Variants in TACC1 observed in about 807,000 individuals in gnomAD.
TACC1 encodes the protein transforming acidic coiled-coil containing protein 1.
In TACC1, 48 loss-of-function variants were observed where a neutral mutation model predicts 84.4. The ratio of observed to expected loss-of-function variants is 0.57; its 90% CI spans 0.45 to 0.72. TACC1 has a LOEUF of 0.72. Among genes scored for constraint, TACC1 ranks in the 30% least tolerant of loss-of-function variants. TACC1 has a pLI of 0.00. For synonymous variants in TACC1, 372 were observed against 376.3 expected, an observed-to-expected ratio of 0.99 and a Z score of 0.13; for missense variants, 920 against 973.0, an observed-to-expected ratio of 0.95 and a Z score of 0.72.
intron 2 of TACC1, chr8:38,742,589 G>C (rs1401215036): frequency 3.2e-5 from 21 of 656,440 alleles, no homozygotes; most frequent in Non-Finnish European, 5.2e-5. Context: ...ATCGAGGAAA[G>C]AACAAAGAAC....
upstream of TACC1, among the ~76,000 whole-genome samples, chr8:38,786,220 GGAA>G (rs1383743579): frequency 6.6e-6 from 1 of 152,148 alleles, no homozygotes; most frequent in African/African-American, 2.4e-5. Context: ...CGATTCACTT[GGAA>G]GAAGGTGCTT....
intron 3 of TACC1, chr8:38,823,991 A>G (rs1827467867): frequency 7.4e-7 from 1 of 1,352,014 alleles, no homozygotes; most frequent in Non-Finnish European, 9.8e-7. Context: ...GTGCATCAGG[A>G]CTACTGAACA....
chr8:38,809,850 T>C (rs1458191566), intron 2 of TACC1, among the ~76,000 whole-genome samples: 1 of 152,160 alleles, frequency 6.6e-6, no homozygotes, highest in African/African-American at 2.4e-5. Context: ...CTTTAACCCT[T>C]AGGTTTTCTG....
At chr8:38,741,274 G>A (rs1807017589) in intron 1 of TACC1, among the ~76,000 whole-genome samples, 1 of 151,552 alleles carries the variant, frequency 6.6e-6, no homozygotes, top group South Asian at 2.1e-4. Context: ...TCCTGCCTCA[G>A]CCTCCCAAGT....
Position 38,820,482 on chromosome 8 carries a change from G to T in TACC1, c.1238G>T (p.Gly413Val), listed in dbSNP as rs139511063. 1 of 1,614,182 alleles carries T rather than the reference G, an allele frequency of 6.2e-7. No homozygotes were observed. Among genetic ancestry groups the T allele is most frequent in the Non-Finnish European group, 8.5e-7 (1 of 1,180,034 alleles). ...AACTCCCCACCCCTCTCTTCTGAGG[G>T]CTCCTACCACTTTGACCCAGATAAC... Reference protein sequence around the residue: ...LQNSPPLSSEGSYHFDPDNFD... With the variant: ...LQNSPPLSSEVSYHFDPDNFD... Residue 413 changes from glycine to valine, a missense_variant, in exon 3 of 13, where the codon GGC (glycine) becomes GTC (valine). Physicochemically the swap from Gly to Val is moderately radical, Grantham distance 109 (BLOSUM62 -3). This residue lies in a region of TACC1 where 762 missense variants were observed against 747.3 expected (regional missense o/e 1.02). Coordinates refer to ENST00000317827, the MANE Select transcript of TACC1 (RefSeq NM_006283.3).
At chr8:38,798,895 C>T (rs1033846085) in intron 2 of TACC1, among the ~76,000 whole-genome samples, 1 of 152,086 alleles carries the variant, frequency 6.6e-6, no homozygotes, top group East Asian at 1.9e-4. Context: ...TGTACTTCTC[C>T]ATTTTAAGGC....
rs1365969663 is a variant in TACC1 at position 38,825,331 on chromosome 8, A to G, written c.1415A>G (p.His472Arg). The G allele has an allele frequency of 1.2e-6, 2 of 1,614,076 alleles. No individual in the cohort carries two copies. Among genetic ancestry groups the G allele is most frequent in the Non-Finnish European group, 1.7e-6 (2 of 1,179,988 alleles). Residue 472 changes from histidine to arginine, a missense_variant, in exon 4 of 13, where the codon CAT becomes CGT. This residue lies in a region of TACC1 where 762 missense variants were observed against 747.3 expected (regional missense o/e 1.02). Coordinates refer to ENST00000317827, the MANE Select transcript of TACC1 (RefSeq NM_006283.3). ...LITSGCKVKK[H>R]ETQSLALDAC... ...AGGAGTGGCTGTAAGGTGAAGAAGC[A>G]TGAAACTCAGTCTCTCGCCCTGGAT...
chr8:38,742,176 GC>G (rs1274745815), intron 1 of TACC1, among the ~76,000 whole-genome samples: 1 of 151,600 alleles, frequency 6.6e-6, no homozygotes, highest in Non-Finnish European at 1.5e-5. Flanking sequence ...ACTTTTTTTT[GC>G]CAGAATTTGG....
chr8:38,754,394 G>A lies in TACC1; in HGVS notation c.26+8901G>A, dbSNP rs116200510. Reference sequence around the variant, plus strand: ...CTCACCCTTTTCTCCTGCCTCTCCCGCTCCTGTCTTCCCTCAGAATAACCG... The same window carrying A: ...CTCACCCTTTTCTCCTGCCTCTCCCACTCCTGTCTTCCCTCAGAATAACCG... On this transcript the variant is annotated intron_variant, in intron 3 of 14. Transcript: ENST00000518415. Among the ~76,000 whole-genome samples the A allele has an allele frequency of 7.1e-3, 1,075 of 152,106 alleles. 14 individuals carry two copies. Among genetic ancestry groups the A allele is most frequent in the African/African-American group, 0.025 (1,023 of 41,488 alleles).
chr8:38,766,494 C>T (rs1286745743), intron 3 of TACC1, among the ~76,000 whole-genome samples: 3 of 152,162 alleles, frequency 2.0e-5, no homozygotes, highest in South Asian at 2.1e-4. Flanking sequence ...AAAAACCTGA[C>T]GGCATAGAAT....
chr8:38,771,537 G>A (rs1386218157), intron 3 of TACC1, among the ~76,000 whole-genome samples: 1 of 152,096 alleles, frequency 6.6e-6, no homozygotes, highest in Admixed American at 6.6e-5. Context: ...CTCCAGTTTG[G>A]ATGTTGGAGA....
intron 2 of TACC1, among the ~76,000 whole-genome samples, chr8:38,799,362 T>C (rs754249608): frequency 4.1e-4 from 63 of 152,356 alleles, no homozygotes; most frequent in Non-Finnish European, 6.9e-4. Context: ...TGGGCACTGA[T>C]TGAGCATCAG....
At chr8:38,758,149 T>C (rs900230602) in intron 3 of TACC1, among the ~76,000 whole-genome samples, 1 of 152,202 alleles carries the variant, frequency 6.6e-6, no homozygotes, top group African/African-American at 2.4e-5. Flanking sequence ...ATGCGTGTTT[T>C]GGAATTGCAG....
intron 3 of TACC1, among the ~76,000 whole-genome samples, chr8:38,770,536 G>A (rs1020987881): frequency 6.6e-6 from 1 of 152,164 alleles, no homozygotes; most frequent in Non-Finnish European, 1.5e-5. Flanking sequence ...ATCTGTGAAA[G>A]AATCAGTTCC....
At chr8:38,819,083 A>G (rs1340364326) in intron 2 of TACC1, among the ~76,000 whole-genome samples, 1 of 152,200 alleles carries the variant, frequency 6.6e-6, no homozygotes, top group Admixed American at 6.5e-5. Flanking sequence ...TGTTCACTGC[A>G]TAAAGTTCTG....
intron 2 of TACC1, among the ~76,000 whole-genome samples, chr8:38,744,437 A>G (rs570373873): frequency 6.6e-6 from 1 of 152,284 alleles, no homozygotes; most frequent in East Asian, 1.9e-4. Flanking sequence ...TTTACATCCC[A>G]TTGACTAGAA....
chr8:38,741,319 C>G (rs1458176055), intron 1 of TACC1, among the ~76,000 whole-genome samples: 19 of 152,068 alleles, frequency 1.2e-4, no homozygotes, highest in Admixed American at 1.2e-3. Context: ...CCATGCCTGG[C>G]TGATTTTTTT....
chr8:38,836,408 C>A, intron 7 of TACC1, 121 bp downstream of exon 7: 2 of 1,411,624 alleles, frequency 1.4e-6, no homozygotes, highest in South Asian at 1.3e-5. Flanking sequence ...TTATTACCTG[C>A]AGCTTGTTTA....
intron 3 of TACC1, among the ~76,000 whole-genome samples, chr8:38,759,155 C>G (rs1445809591): frequency 6.6e-6 from 1 of 152,218 alleles, no homozygotes; most frequent in East Asian, 1.9e-4. Flanking sequence ...GGTTGAATTT[C>G]TAGGTGCTGC....
Sources: allele counts gnomAD v4.1 joint callset (sites outside exome capture counted in the v4.1 genomes callset), GRCh38; gene constraint gnomAD v4.1.1; regional missense constraint gnomAD v4.1.1; transcripts MANE v1.5; gene names NCBI Gene and HGNC (gene_info 2026-07-23, HGNC 2026-07-21).